The following PAAF1 variants were observed in gnomAD, a reference collection of about 807,000 sequenced individuals.
PAAF1 encodes the protein proteasomal ATPase associated factor 1, also known as proteasomal ATPase-associated factor 1.
Under a neutral mutation model 52.8 loss-of-function variants are expected in PAAF1, and 46 were observed. The observed-to-expected ratio is 0.87, with a 90% CI of 0.69 to 1.11. The LOEUF (loss-of-function observed/expected upper bound fraction) is 1.11, where lower values mean the gene tolerates loss of function less well. Among genes scored for constraint, PAAF1 ranks in the 50% most tolerant of loss-of-function variants. PAAF1 has a pLI of 0.00. For missense variants in PAAF1, 424 were observed against 477.4 expected (o/e 0.89, Z 1.04); for synonymous variants, 178 against 172.8 (o/e 1.03, Z -0.24).
At chr11:73,885,121 A>T (rs1473149784) in intron 2 of PAAF1, among the ~76,000 whole-genome samples, 1 of 145,024 alleles carries the variant, frequency 6.9e-6, no homozygotes, top group Non-Finnish European at 1.5e-5. Context: ...GGCCTCCCAA[A>T]GTGCTGGGAT....
intron 11 of PAAF1, among the ~76,000 whole-genome samples, chr11:73,926,704 G>A (rs1591146053): frequency 6.6e-6 from 1 of 152,126 alleles, no homozygotes; most frequent in East Asian, 1.9e-4. Flanking sequence ...GCAAGAGTCT[G>A]TCTCAAAAAA....
chr11:73,880,686 CGAAAAAAAAAA>C (rs1341397449), intron 2 of PAAF1: 2 of 38,062 alleles, frequency 5.3e-5, no homozygotes, highest in African/African-American at 2.7e-4. Context: ...GACTCTGTCT[CGAAAAAAAAAA>C]AAAAAAAAAA....
intron 2 of PAAF1, among the ~76,000 whole-genome samples, chr11:73,881,733 G>T (rs2135124779): frequency 6.6e-6 from 1 of 152,220 alleles, no homozygotes; most frequent in Non-Finnish European, 1.5e-5. Flanking sequence ...TTGAGATGGA[G>T]TCTCACTCTG....
intron 3 of PAAF1, chr11:73,888,804 G>T: frequency 2.9e-6 from 1 of 344,524 alleles, no homozygotes; most frequent in Non-Finnish European, 5.2e-6. Context: ...GTGTGATTTT[G>T]GACAAATAAC....
intron 11 of PAAF1, among the ~76,000 whole-genome samples, chr11:73,926,189 C>T (rs1022176625): frequency 1.3e-5 from 2 of 152,070 alleles, no homozygotes; most frequent in Non-Finnish European, 2.9e-5. Flanking sequence ...CCACAGCAAC[C>T]TCCGCCTCCC....
intron 9 of PAAF1, 94 bp from the exon 10 acceptor site, chr11:73,918,856 G>A (rs1950138732): frequency 1.2e-6 from 1 of 860,934 alleles, no homozygotes; most frequent in Admixed American, 2.7e-5. Context: ...ATTTTATCCT[G>A]TTTGCTCTTA....
chr11:73,881,119 G>A (rs906594549), intron 2 of PAAF1, among the ~76,000 whole-genome samples: 5 of 152,008 alleles, frequency 3.3e-5, no homozygotes, highest in African/African-American at 1.2e-4. Context: ...TTATTACAAG[G>A]ACCTTGGCTA....
chr11:73,900,079 A>C (rs1949554583), intron 5 of PAAF1, among the ~76,000 whole-genome samples, 191 bp from the exon 6 acceptor site: 1 of 151,616 alleles, frequency 6.6e-6, no homozygotes, highest in African/African-American at 2.4e-5. Flanking sequence ...GCTGAATTCG[A>C]GGAAACACCT....
At chr11:73,911,202 T>C (rs1169729859) in intron 7 of PAAF1, among the ~76,000 whole-genome samples, 1 of 152,152 alleles carries the variant, frequency 6.6e-6, no homozygotes, top group Non-Finnish European at 1.5e-5. Context: ...GTCTGACAAG[T>C]GTACAGTGAC....
upstream of PAAF1, chr11:73,876,975 C>T: frequency 1.3e-6 from 2 of 1,495,988 alleles, no homozygotes; most frequent in Non-Finnish European, 8.9e-7. Flanking sequence ...CGGGGACTCA[C>T]TTCCGGGAAG....
At chr11:73,904,454 C>T (rs1388139180) in intron 6 of PAAF1, among the ~76,000 whole-genome samples, 1 of 152,042 alleles carries the variant, frequency 6.6e-6, no homozygotes, top group Admixed American at 6.6e-5. Flanking sequence ...TTTTAGTTAA[C>T]TAGTTGGCTT....
intron 10 of PAAF1, chr11:73,921,537 G>C: frequency 1.9e-6 from 1 of 530,800 alleles, no homozygotes. Flanking sequence ...AGTTTTTCAA[G>C]TAAAGACATG....
rs61616797 is a variant in PAAF1 at position 73,878,685 on chromosome 11, G to A, written c.48-94G>A. ...TCTCATGTCTAAGTACTATGACCAA[G>A]CTGGAGGTTACATGACCTTCTTTCT... On this transcript the variant is annotated intron_variant, in intron 1 of 11. Coordinates refer to ENST00000310571, the MANE Select transcript of PAAF1 (RefSeq NM_025155.3). 4.8e-3 allele frequency: 5,233 copies of A among 1,096,102 alleles called. 167 individuals carry two copies. In the African/African-American group the frequency reaches 0.069, roughly 14 times the overall value. 67.9% of individuals were successfully genotyped at this position (1,096,102 alleles called of 1,614,324 possible).
At chr11:73,888,316 G>A (rs1591051801) in intron 3 of PAAF1, among the ~76,000 whole-genome samples, 1 of 152,110 alleles carries the variant, frequency 6.6e-6, no homozygotes, top group African/African-American at 2.4e-5. Context: ...TGCCTGATAC[G>A]GCCATTACCT....
chr11:73,890,326 C>T (rs1004693164), intron 3 of PAAF1, among the ~76,000 whole-genome samples: 1 of 152,156 alleles, frequency 6.6e-6, no homozygotes, highest in Non-Finnish European at 1.5e-5. Context: ...AAAATGGTTA[C>T]AAATGGCCCT....
At chr11:73,908,240 T>G (rs1949813064) in intron 6 of PAAF1, among the ~76,000 whole-genome samples, 1 of 148,354 alleles carries the variant, frequency 6.7e-6, no homozygotes, top group Admixed American at 6.8e-5. Flanking sequence ...TGTGTGTATA[T>G]ATATGTGTAT....
intron 5 of PAAF1, 62 bp from the exon 6 acceptor site, chr11:73,900,208 G>A: frequency 6.6e-7 from 1 of 1,521,010 alleles, no homozygotes; most frequent in Non-Finnish European, 8.9e-7. Context: ...GAGTATGGGA[G>A]GTAAGAGAAC....
intron 2 of PAAF1, among the ~76,000 whole-genome samples, chr11:73,886,404 G>A (rs1404263705): frequency 6.6e-6 from 1 of 152,018 alleles, no homozygotes; most frequent in Non-Finnish European, 1.5e-5. Flanking sequence ...GGCCAGGCGC[G>A]GTGGCTCACG....
At position 73,914,395 on chromosome 11, in the gene PAAF1, A is replaced by G. The variant is rs1159753158; in HGVS notation, c.728-18A>G. 2 of 1,611,360 alleles carry G rather than the reference A, an allele frequency of 1.2e-6. No individual in the cohort carries two copies. The highest frequency in any genetic ancestry group is 1.7e-6 in the Non-Finnish European group (2 of 1,177,636). ...TGATCAGCCTCACTGTTATTAACAT[A>G]GTTTATTTGTCATGCAGGTGAACGG... On this transcript the variant is annotated intron_variant, in intron 7 of 11. Coordinates refer to ENST00000310571, the MANE Select transcript of PAAF1 (RefSeq NM_025155.3).
Sources: gnomAD v4.1 joint callset for allele counts (sites outside exome capture counted in the v4.1 genomes callset) on GRCh38, gnomAD v4.1.1 for gene constraint, MANE v1.5 for transcripts, NCBI Gene and HGNC (gene_info 2026-07-23, HGNC 2026-07-21) for gene names.